The following GTF2E1 variants were observed in gnomAD, a reference collection of about 807,000 sequenced individuals.
The protein encoded by GTF2E1 is TFIIE alpha subunit.
GTF2E1 carries 14 observed loss-of-function variants against 34.9 expected under a neutral mutation model. That is an observed-to-expected ratio of 0.40 (90% CI 0.27 to 0.63). The LOEUF (loss-of-function observed/expected upper bound fraction) is 0.63. GTF2E1 is among the 20% of genes least tolerant of loss of function. GTF2E1 has a pLI of 0.39. For missense variants in GTF2E1, 469 were observed against 557.7 expected (o/e 0.84, Z 1.60); for synonymous variants, 188 against 192.9 (o/e 0.97, Z 0.21).
At chr3:120,775,536 G>A (rs546162897) in intron 3 of GTF2E1, among the ~76,000 whole-genome samples, 6 of 152,268 alleles carry the variant, frequency 3.9e-5, no homozygotes, top group Non-Finnish European at 8.8e-5. Flanking sequence ...AGGCATATTC[G>A]AAAGAATTTG....
chr3:120,770,796 G>C lies in GTF2E1; in HGVS notation c.517G>C (p.Ala173Pro), dbSNP rs1386869692. ...EDESAMPKKD[A>P]RTLLARFNEQ... ...TGAATCAGCAATGCCCAAAAAAGAT[G>C]CACGCACACTTTTGGCAAGGTTTAA... The change falls in exon 3 of 5, where the codon GCA (alanine) becomes CCA (proline). Residue 173 changes from alanine (A) to proline (P), a missense_variant. By Grantham distance (27) the Ala-to-Pro change is conservative. Transcript: ENST00000283875. The C allele has an allele frequency of 6.2e-7, 1 of 1,613,514 alleles. No homozygotes were observed.
chr3:120,762,439 T>C (rs1453338621), intron 2 of GTF2E1, among the ~76,000 whole-genome samples: 1 of 152,228 alleles, frequency 6.6e-6, no homozygotes, highest in Admixed American at 6.5e-5. Flanking sequence ...TAGCTCTTCT[T>C]GTTAAATTGA....
chr3:120,751,072 A>T (rs1033367895), intron 2 of GTF2E1, 72 bp downstream of exon 2: 2 of 908,870 alleles, frequency 2.2e-6, no homozygotes, highest in East Asian at 5.2e-5. Context: ...TGATTCATCT[A>T]ATTTTTAAAC....
intron 2 of GTF2E1, among the ~76,000 whole-genome samples, chr3:120,769,705 A>G (rs1335575846): frequency 6.6e-6 from 1 of 152,128 alleles, no homozygotes; most frequent in Non-Finnish European, 1.5e-5. Context: ...CACTTCCATC[A>G]TAGTCTGATG....
Position 120,776,641 on chromosome 3 carries a change from A to G in GTF2E1, c.869A>G (p.Tyr290Cys), listed in dbSNP as rs1308394177. The G allele has an allele frequency of 5.0e-6, 8 of 1,613,606 alleles. No individual in the cohort carries two copies. In the East Asian group the frequency reaches 1.3e-4, roughly 27 times the overall value. The change falls in exon 4 of 5, where the codon TAT (tyrosine) becomes TGT (cysteine). Residue 290 changes from tyrosine (Y) to cysteine (C), a missense_variant. Tyr to Cys is a radical substitution (Grantham distance 194). Transcript: ENST00000283875. Reference sequence around the variant, plus strand: ...AGAGAAAGCACTGTCCAAGGGGCATATGGTTCTGAAGATATGAAAGAAGGT... The same window carrying G: ...AGAGAAAGCACTGTCCAAGGGGCATGTGGTTCTGAAGATATGAAAGAAGGT... ...WLRESTVQGA[Y>C]GSEDMKEGGI... is the part of the protein sequence containing the mutation.
chr3:120,761,879 CT>C (rs1260083801), intron 2 of GTF2E1, among the ~76,000 whole-genome samples: 1 of 151,004 alleles, frequency 6.6e-6, no homozygotes, highest in African/African-American at 2.4e-5. Flanking sequence ...CAAACTCTGC[CT>C]CCCGGGTTCA....
intron 2 of GTF2E1, among the ~76,000 whole-genome samples, chr3:120,766,757 C>A (rs916003931): frequency 2.0e-5 from 3 of 152,082 alleles, no homozygotes; most frequent in African/African-American, 7.2e-5. Context: ...AGACATCTTT[C>A]TTCCCTACTA....
intron 2 of GTF2E1, among the ~76,000 whole-genome samples, chr3:120,753,162 G>T (rs1313280233): frequency 6.6e-6 from 1 of 151,510 alleles, no homozygotes; most frequent in Non-Finnish European, 1.5e-5. Context: ...ACTTCCTTTG[G>T]TCTGTACATT....
intron 2 of GTF2E1, among the ~76,000 whole-genome samples, chr3:120,768,530 T>G (rs1233468878): frequency 6.6e-6 from 1 of 152,222 alleles, no homozygotes; most frequent in African/African-American, 2.4e-5. Context: ...TGAGATTCCT[T>G]TCTTTAAAAA....
At chr3:120,768,775 C>A (rs528004001) in intron 2 of GTF2E1, among the ~76,000 whole-genome samples, 41 of 152,328 alleles carry the variant, frequency 2.7e-4, no homozygotes, top group African/African-American at 9.4e-4. Context: ...GAGGCTGAGA[C>A]AGCTTGGAAC....
At chr3:120,771,659 T>C (rs1709352680) in intron 3 of GTF2E1, among the ~76,000 whole-genome samples, 1 of 152,154 alleles carries the variant, frequency 6.6e-6, no homozygotes, top group South Asian at 2.1e-4. Context: ...AATCAGGCTG[T>C]ATTTGTATAG....
chr3:120,777,347 A>T (rs1417174641), intron 4 of GTF2E1, among the ~76,000 whole-genome samples: 3 of 152,192 alleles, frequency 2.0e-5, no homozygotes, highest in African/African-American at 7.2e-5. Flanking sequence ...ATGGATGACG[A>T]TGACTCAAGC....
intron 2 of GTF2E1, among the ~76,000 whole-genome samples, chr3:120,758,920 C>T (rs1553729809): frequency 6.6e-6 from 1 of 152,104 alleles, no homozygotes; most frequent in Non-Finnish European, 1.5e-5. Context: ...ATTTATAATC[C>T]TTTGGGTGTA....
chr3:120,745,297 C>A (rs1393399326), intron 1 of GTF2E1, among the ~76,000 whole-genome samples: 1 of 152,118 alleles, frequency 6.6e-6, no homozygotes, highest in Non-Finnish European at 1.5e-5. Context: ...AGATTTAAAC[C>A]CCAAAACTGT....
intron 4 of GTF2E1, among the ~76,000 whole-genome samples, chr3:120,777,351 C>T (rs1185332953): frequency 6.6e-6 from 1 of 152,132 alleles, no homozygotes; most frequent in Non-Finnish European, 1.5e-5. Context: ...ATGACGATGA[C>T]TCAAGCTGGA....
intron 2 of GTF2E1, among the ~76,000 whole-genome samples, chr3:120,758,184 G>A (rs1445624318): frequency 6.6e-6 from 1 of 152,018 alleles, no homozygotes; most frequent in Non-Finnish European, 1.5e-5. Flanking sequence ...ATATATGAAT[G>A]AAAACTTGGT....
chr3:120,757,575 T>C (rs913451504), intron 2 of GTF2E1, among the ~76,000 whole-genome samples: 3 of 152,214 alleles, frequency 2.0e-5, no homozygotes, highest in African/African-American at 4.8e-5. Flanking sequence ...TGTTTGCTAA[T>C]AGCAACTCCT....
chr3:120,761,825 C>T (rs1362590918), intron 2 of GTF2E1, among the ~76,000 whole-genome samples: 3 of 136,184 alleles, frequency 2.2e-5, no homozygotes, highest in Non-Finnish European at 4.5e-5. Context: ...TAGTCTCGCT[C>T]TTCTGCCCAG....
chr3:120,759,013 G>A (rs770155343), intron 2 of GTF2E1, among the ~76,000 whole-genome samples: 4 of 152,114 alleles, frequency 2.6e-5, no homozygotes, highest in Non-Finnish European at 5.9e-5. Context: ...CACAATGGTT[G>A]AACTAATTTA....
Sources: allele counts gnomAD v4.1 joint callset (sites outside exome capture counted in the v4.1 genomes callset), GRCh38; gene constraint gnomAD v4.1.1; transcripts MANE v1.5; gene names NCBI Gene and HGNC (gene_info 2026-07-23, HGNC 2026-07-21).